SYN2: variants seen among roughly 807,000 people sequenced by gnomAD.
SYN2 encodes the protein synapsin II, also known as synapsin-2.
SYN2 carries 19 observed loss-of-function variants against 50.9 expected under a neutral mutation model. That is an observed-to-expected ratio of 0.37 (90% CI 0.26 to 0.55). SYN2 has a LOEUF of 0.55. Among genes scored for constraint, SYN2 ranks in the 20% least tolerant of loss-of-function variants. SYN2 has a pLI of 0.81. For synonymous variants in SYN2, 255 were observed against 224.9 expected (o/e 1.13, Z -1.20); for missense variants, 587 against 576.4 (o/e 1.02, Z -0.19).
rs1694359573 is a variant in SYN2, at chr3:12,030,488, G to A, written c.377+25560G>A. On this transcript the variant is annotated intron_variant, in intron 1 of 12. Coordinates refer to ENST00000621198, the MANE Select transcript of SYN2 (RefSeq NM_133625.6). ...CTCCTTGTACCTCTGGTAGAATTCGGCTGTGAATCCATCTGGTCCTTGACT... is the reference window on the plus strand; with the variant it reads ...CTCCTTGTACCTCTGGTAGAATTCGACTGTGAATCCATCTGGTCCTTGACT... Among the ~76,000 whole-genome samples, 5 of 150,080 alleles carry A rather than the reference G, an allele frequency of 3.3e-5. No individual in the cohort carries two copies. The South Asian group carries it at 1.1e-3, about 32-fold the overall frequency.
intron 1 of SYN2, among the ~76,000 whole-genome samples, chr3:12,111,043 C>T (rs1696301286): frequency 6.6e-6 from 1 of 152,046 alleles, no homozygotes; most frequent in African/African-American, 2.4e-5. Flanking sequence ...TTGGGAGGAG[C>T]CAGGGGTGGA....
At chr3:12,085,856 G>A (rs986829408) in intron 1 of SYN2, among the ~76,000 whole-genome samples, 8 of 151,878 alleles carry the variant, frequency 5.3e-5, no homozygotes, top group African/African-American at 1.9e-4. Flanking sequence ...AAAAAGAACA[G>A]AGTAATCCCA....
intron 1 of SYN2, among the ~76,000 whole-genome samples, chr3:12,065,831 A>G (rs1019447942): frequency 5.9e-5 from 9 of 152,234 alleles, no homozygotes; most frequent in South Asian, 2.1e-4. Context: ...ACAAACCTGC[A>G]CATGTACTCC....
chr3:12,054,023 G>C (rs1333085191), intron 1 of SYN2, among the ~76,000 whole-genome samples: 1 of 152,110 alleles, frequency 6.6e-6, no homozygotes, highest in East Asian at 1.9e-4. Flanking sequence ...ATGATAGTAG[G>C]GGGAGTGAGG....
chr3:12,152,228 T>C (rs1697318322), intron 5 of SYN2, among the ~76,000 whole-genome samples: 1 of 152,118 alleles, frequency 6.6e-6, no homozygotes, highest in Non-Finnish European at 1.5e-5. Context: ...AGACCACATA[T>C]CAAAAAACAA....
At chr3:12,121,006 C>T (rs2125202459) in intron 1 of SYN2, among the ~76,000 whole-genome samples, 1 of 152,288 alleles carries the variant, frequency 6.6e-6, no homozygotes, top group African/African-American at 2.4e-5. Flanking sequence ...TCATTCCTTG[C>T]CTTATATTTT....
chr3:12,134,048 G>A (rs1283062751), intron 1 of SYN2, among the ~76,000 whole-genome samples: 3 of 152,174 alleles, frequency 2.0e-5, no homozygotes, highest in Non-Finnish European at 4.4e-5. Context: ...GCACGACATT[G>A]TGAATACCAT....
intron 1 of SYN2, among the ~76,000 whole-genome samples, chr3:12,138,614 A>G (rs972605493): frequency 6.6e-6 from 1 of 152,210 alleles, no homozygotes; most frequent in African/African-American, 2.4e-5. Flanking sequence ...CATCAGCCAA[A>G]TGGACCACAT....
intron 3 of SYN2, among the ~76,000 whole-genome samples, chr3:12,143,613 A>T (rs1177821152): frequency 6.6e-6 from 1 of 152,068 alleles, no homozygotes; most frequent in Non-Finnish European, 1.5e-5. Context: ...TGCAAAAGAC[A>T]TGATTTTATT....
chr3:12,066,947 C>T lies in SYN2; in HGVS notation c.377+62019C>T, dbSNP rs191843109. On this transcript the variant is annotated intron_variant, in intron 1 of 12. Transcript: ENST00000621198. Reference sequence around the variant, plus strand: ...ATGGCAGAAGTGAAAGCAAACATGTCCTTCTTCACATGGTGGCAGGAGAGT... The same window carrying T: ...ATGGCAGAAGTGAAAGCAAACATGTTCTTCTTCACATGGTGGCAGGAGAGT... Among the ~76,000 whole-genome samples, 538 of 152,154 alleles carry T rather than the reference C, an allele frequency of 3.5e-3. 5 individuals carry two copies. Among genetic ancestry groups the T allele is most frequent in the Non-Finnish European group, 3.2e-3 (219 of 67,982 alleles).
intron 1 of SYN2, among the ~76,000 whole-genome samples, chr3:12,074,361 A>C (rs911890896): frequency 4.6e-5 from 7 of 152,038 alleles, no homozygotes; most frequent in African/African-American, 1.7e-4. Flanking sequence ...AATGCTCACT[A>C]CTGTGTTTTT....
At chr3:12,153,720 C>A in intron 5 of SYN2, 1 of 1,614,130 alleles carries the variant, frequency 6.2e-7, no homozygotes, top group South Asian at 1.1e-5. Context: ...GATCTAGAGT[C>A]ATGGCCACAC....
chr3:12,122,879 TAAAAA>T (rs531757736), intron 1 of SYN2, among the ~76,000 whole-genome samples: 100 of 150,336 alleles, frequency 6.7e-4, no homozygotes, highest in Non-Finnish European at 1.1e-3. Context: ...AAGAAAGACT[TAAAAA>T]AAAACAAGAA....
chr3:12,064,140 A>G (rs1333477504), intron 1 of SYN2, among the ~76,000 whole-genome samples: 1 of 152,062 alleles, frequency 6.6e-6, no homozygotes, highest in Non-Finnish European at 1.5e-5. Flanking sequence ...TCAAACCCAT[A>G]ACTCTAACTT....
At chr3:12,177,035 G>T (rs1345097617) in intron 10 of SYN2, among the ~76,000 whole-genome samples, 1 of 152,178 alleles carries the variant, frequency 6.6e-6, no homozygotes, top group Non-Finnish European at 1.5e-5. Flanking sequence ...AGCCTGACAT[G>T]CTGAGATCCA....
In SYN2 at chr3:12,167,278, C is replaced by T. The variant is rs983925650; in HGVS notation, c.1025C>T (p.Ala342Val). Residue 342 changes from alanine (A) to valine (V), a missense_variant, in exon 8 of 13, where the codon GCG becomes GTG. By Grantham distance (64) the Ala-to-Val change is moderately conservative. Coordinates refer to ENST00000621198, the MANE Select transcript of SYN2 (RefSeq NM_133625.6). ...SGNWKTNTGSAMLEQIAMSDR... is the reference protein window; with the variant it reads ...SGNWKTNTGSVMLEQIAMSDR... ...AACTGGAAGACGAACACTGGCTCTG[C>T]GATGCTGGAGCAGATTGCCATGTCA... 12 of 1,612,748 alleles carry T rather than the reference C, an allele frequency of 7.4e-6. No homozygotes were observed. The highest frequency in any genetic ancestry group is 9.3e-6 in the Non-Finnish European group (11 of 1,179,536).
intron 1 of SYN2, among the ~76,000 whole-genome samples, chr3:12,031,057 C>G (rs1168354288): frequency 1.2e-4 from 12 of 104,134 alleles, no homozygotes; most frequent in East Asian, 2.8e-4. Context: ...TGAATGCGTC[C>G]CAGAGATTCT....
chr3:12,145,291 A>G (rs1255220853), intron 3 of SYN2, among the ~76,000 whole-genome samples: 1 of 152,120 alleles, frequency 6.6e-6, no homozygotes, highest in Non-Finnish European at 1.5e-5. Context: ...AGTCCTAGCT[A>G]CTTGAGACGC....
At chr3:12,116,385 A>G (rs1451835054) in intron 1 of SYN2, among the ~76,000 whole-genome samples, 1 of 152,180 alleles carries the variant, frequency 6.6e-6, no homozygotes, top group Non-Finnish European at 1.5e-5. Context: ...GGTTGCCCGG[A>G]AAGCAGAGAG....
Sources: gnomAD v4.1 joint callset for allele counts (sites outside exome capture counted in the v4.1 genomes callset) on GRCh38, gnomAD v4.1.1 for gene constraint, MANE v1.5 for transcripts, NCBI Gene and HGNC (gene_info 2026-07-23, HGNC 2026-07-21) for gene names.